Variants in COL6A3 observed in about 807,000 individuals in gnomAD.
COL6A3 encodes the protein collagen alpha-3(VI) chain.
Under a neutral mutation model 274.1 loss-of-function variants are expected in COL6A3, and 137 were observed. The ratio of observed to expected loss-of-function variants is 0.50; its 90% CI spans 0.44 to 0.58. The LOEUF is 0.58. Ranked by LOEUF, COL6A3 falls within the 20% of genes least tolerant of loss-of-function variation. COL6A3 has a pLI of 0.00. For missense variants in COL6A3, 3,950 were observed against 4,124.9 expected (o/e 0.96, Z 1.16); for synonymous variants, 1,650 against 1,650.6 (o/e 1.00, Z 0.01).
Position 237,376,783 on chromosome 2 carries a change from G to C in COL6A3, c.3059C>G (p.Ala1020Gly), listed in dbSNP as rs779382813. The change falls in exon 7 of 44, where the codon GCA (alanine) becomes GGA (glycine). Residue 1020 changes from alanine (A) to glycine (G), a missense_variant. Coordinates refer to ENST00000295550, the MANE Select transcript of COL6A3 (RefSeq NM_004369.4). ...TTTCTCTACCATACCTGGTGCTGGT[G>C]CTCCGTTGTGCACTGATTTTAAGAG... ...VNLLKSVHNG[A>G]PAPVSGEKDV... The C allele has an allele frequency of 6.2e-7, 1 of 1,614,168 alleles. No individual in the cohort carries two copies. Among genetic ancestry groups the C allele is most frequent in the Non-Finnish European group, 8.5e-7 (1 of 1,180,010 alleles).
At chr2:237,353,263 A>T in intron 25 of COL6A3, 78 bp downstream of exon 25, 2 of 1,408,290 alleles carry the variant, frequency 1.4e-6, no homozygotes, top group South Asian at 2.4e-5. Flanking sequence ...AACTTTCCGG[A>T]TATAAATGCC....
chr2:237,325,952 G>A, intron 42 of COL6A3: 1 of 455,886 alleles, frequency 2.2e-6, no homozygotes, highest in Middle Eastern at 5.9e-4. Context: ...ATCAATGAAA[G>A]GGCTTCATAA....
At chr2:237,380,258 G>A (rs2077968024) in intron 5 of COL6A3, among the ~76,000 whole-genome samples, 1 of 152,212 alleles carries the variant, frequency 6.6e-6, no homozygotes, top group Non-Finnish European at 1.5e-5. Context: ...ATCATTCTGT[G>A]ATGCTCATCT....
chr2:237,395,127 G>T lies in COL6A3; in HGVS notation c.169C>A (p.Leu57Ile), dbSNP rs765665120. ...ACATCATATAGAAACTCTCGAACAA[G>T]TTGGAAATGTTCCTCTCCAATGGTC... ...SWTIGEEHFQ[L>I]VREFLYDVVK... The change falls in exon 3 of 44, where the codon CTT becomes ATT. Residue 57 changes from leucine to isoleucine, a missense_variant. By Grantham distance (5) the Leu-to-Ile change is conservative. Coordinates refer to ENST00000295550, the MANE Select transcript of COL6A3 (RefSeq NM_004369.4). 1 of 1,613,930 alleles carries T rather than the reference G, an allele frequency of 6.2e-7. No individual in the cohort carries two copies. Among genetic ancestry groups the T allele is most frequent in the East Asian group, 2.2e-5 (1 of 44,890 alleles).
Position 237,366,672 on chromosome 2 carries a change from C to T in COL6A3, c.5500+15G>A, listed in dbSNP as rs372876170. ...AACAGGAAAGGATGGAAAATATGCA[C>T]ATAATGGGAGTTACCTTTGGCAGCA... On this transcript the variant is annotated intron_variant, in intron 11 of 43. Transcript: ENST00000295550. The T allele has an allele frequency of 2.1e-5, 34 of 1,614,076 alleles. No individual in the cohort carries two copies. Among genetic ancestry groups the T allele is most frequent in the African/African-American group, 5.3e-5 (4 of 74,922 alleles).
At chr2:237,375,105 C>A in intron 7 of COL6A3, 85 bp from the exon 8 acceptor site, 1 of 1,582,686 alleles carries the variant, frequency 6.3e-7, no homozygotes, top group Non-Finnish European at 8.6e-7. Context: ...AAGAGCATCA[C>A]AGGGATGTCC....
chr2:237,363,296 C>T lies in COL6A3; in HGVS notation c.6020G>A (p.Arg2007Lys). The T allele has an allele frequency of 6.2e-7, 1 of 1,614,130 alleles. No individual in the cohort carries two copies. The highest frequency in any genetic ancestry group is 8.5e-7 in the Non-Finnish European group (1 of 1,180,024). ...GRGFMYDRPL[R>K]LNLLDLDYEL... is the part of the protein sequence containing the mutation. Reference sequence around the variant, plus strand: ...ATAATCCAAGTCCAGCAAGTTAAGCCTCAGGGGCCTGTCATACATAAACCC... The same window carrying T: ...ATAATCCAAGTCCAGCAAGTTAAGCTTCAGGGGCCTGTCATACATAAACCC... Residue 2007 changes from arginine (R) to lysine (K), a missense_variant, in exon 14 of 44, where the codon AGG (arginine) becomes AAG (lysine). Arg to Lys is a conservative substitution (Grantham distance 26, BLOSUM62 2). This residue lies in a region of COL6A3 where 632 missense variants were observed against 623.4 expected (regional missense o/e 1.01). Transcript: ENST00000295550.
chr2:237,368,926 G>C lies in COL6A3; in HGVS notation c.4537C>G (p.Pro1513Ala). 6.2e-7 allele frequency: 1 copy of C among 1,614,202 alleles called. No homozygotes were observed. The highest frequency in any genetic ancestry group is 8.5e-7 in the Non-Finnish European group (1 of 1,180,032). Residue 1513 changes from proline (P) to alanine (A), a missense_variant, in exon 10 of 44, where the codon CCA becomes GCA. Pro to Ala is a conservative substitution (Grantham distance 27). Transcript: ENST00000295550. This position sits in a 1 kb window ranked among gnomAD's most constrained non-coding sequence, Gnocchi z 4.4. ...TCGAGAGCCTTGCCAGTGTTCAGTG[G>C]GGACCCCCCTCTGAGCCTCAGGCGC... is the stretch of plus-strand genomic sequence containing the variant. ...IRRLRLRGGS[P>A]LNTGKALEFV...
At position 237,353,356 on chromosome 2, in the gene COL6A3, C is replaced by G; in HGVS notation, c.6675G>C (p.Gly2225=). ...PGQPGFEGEQ[G]TRGAQGPAGP... is the part of the protein sequence containing the mutation. ...AAGCACTCACCTGTGCACCTCTGGTCCCCTGCTCTCCCTCAAAGCCCGGCT... is the reference window on the plus strand; with the variant it reads ...AAGCACTCACCTGTGCACCTCTGGTGCCCTGCTCTCCCTCAAAGCCCGGCT... Residue 2225 remains glycine, a synonymous_variant, in exon 25 of 44, where the codon GGG becomes GGC. Transcript: ENST00000295550. 6.2e-7 allele frequency: 1 copy of G among 1,614,184 alleles called. No individual in the cohort carries two copies. The highest frequency in any genetic ancestry group is 8.5e-7 in the Non-Finnish European group (1 of 1,180,020).
intron 9 of COL6A3, among the ~76,000 whole-genome samples, chr2:237,369,698 C>T (rs1215388436): frequency 3.3e-5 from 5 of 152,246 alleles, no homozygotes; most frequent in African/African-American, 7.2e-5. Context: ...GGGCAGGGTA[C>T]GTATAACACA....
chr2:237,376,674 A>T, intron 7 of COL6A3, 98 bp downstream of exon 7: 2 of 1,209,874 alleles, frequency 1.7e-6, no homozygotes, highest in Non-Finnish European at 2.5e-6. Context: ...TGTAAACTCA[A>T]GGAGGGCTTC....
intron 1 of COL6A3, among the ~76,000 whole-genome samples, chr2:237,399,360 A>G (rs1224093902): frequency 6.6e-6 from 1 of 152,218 alleles, no homozygotes; most frequent in Non-Finnish European, 1.5e-5. Context: ...GAACAATGAT[A>G]GCCATGCCTC....
intron 42 of COL6A3, chr2:237,328,747 C>T (rs1265821690): frequency 6.6e-6 from 1 of 152,186 alleles, no homozygotes; most frequent in Non-Finnish European, 1.5e-5. Context: ...AAGGCATCAG[C>T]TTTGACATTT....
Position 237,380,978 on chromosome 2 carries a change from G to C in COL6A3, c.1834C>G (p.Pro612Ala), listed in dbSNP as rs150162992. 16 of 1,614,072 alleles carry C rather than the reference G, an allele frequency of 9.9e-6. No individual in the cohort carries two copies. In the African/African-American group the frequency reaches 1.9e-4, roughly 19 times the overall value. ...AAGCCAGGCAGCATGCCTTGCAATG[G>C]GGCGGCTCGGAACTCAGCTGGGATG... Reference protein sequence around the residue: ...VFIPAEFRAAPLQGMLPGLLA... With the variant: ...VFIPAEFRAAALQGMLPGLLA... The change falls in exon 5 of 44, where the codon CCA (proline) becomes GCA (alanine). Residue 612 changes from proline to alanine, a missense_variant. Physicochemically the swap from Pro to Ala is conservative, Grantham distance 27. This residue lies in a region of COL6A3 where 1,934 missense variants were observed against 1,984.3 expected (regional missense o/e 0.97). Transcript: ENST00000295550.
chr2:237,359,005 A>G (rs760249080), intron 20 of COL6A3, 30 bp downstream of exon 20: 2 of 1,606,662 alleles, frequency 1.2e-6, no homozygotes, highest in Admixed American at 1.7e-5. Context: ...TATTCTTTCC[A>G]TAATAGCACC....
intron 1 of COL6A3, among the ~76,000 whole-genome samples, chr2:237,403,000 CG>C (rs1559289373): frequency 6.6e-6 from 1 of 152,100 alleles, no homozygotes; most frequent in Non-Finnish European, 1.5e-5. Context: ...AGAGTCTGTC[CG>C]GCTGATGAGT....
rs377474654 is a variant in COL6A3 at position 237,407,369 on chromosome 2, G to A, written c.-31+6584C>T. Among the ~76,000 whole-genome samples the A allele has an allele frequency of 5.9e-5, 9 of 152,272 alleles. No homozygotes were observed. Among genetic ancestry groups the A allele is most frequent in the African/African-American group, 1.9e-4 (8 of 41,536 alleles). On this transcript the variant is annotated intron_variant, in intron 1 of 43. Transcript: ENST00000295550. This position sits in a 1 kb window ranked among gnomAD's most constrained non-coding sequence, Gnocchi z 4.3. ...CTGGGGTCCTTTGTCACTTACGGGG[G>A]TCCTTGTTAGATATGGAGTAGCGGA...
Position 237,359,260 on chromosome 2 carries a change from A to G in COL6A3, c.6310-10T>C. On this transcript the variant is annotated splice_polypyrimidine_tract_variant and intron_variant, in intron 18 of 43. Coordinates refer to ENST00000295550, the MANE Select transcript of COL6A3 (RefSeq NM_004369.4). ...TTTCTCCTACTTCGCCCTAAGAGGG[A>G]ATAAGGCGGACAGGTAAGTATAGAA... 6.2e-7 allele frequency: 1 copy of G among 1,614,210 alleles called. No individual in the cohort carries two copies. The highest frequency in any genetic ancestry group is 8.5e-7 in the Non-Finnish European group (1 of 1,180,016).
Position 237,395,010 on chromosome 2 carries a change from A to G in COL6A3, c.286T>C (p.Tyr96His). The change falls in exon 3 of 44, where the codon TAT (tyrosine) becomes CAT (histidine). Residue 96 changes from tyrosine to histidine, a missense_variant. Tyr to His is a moderately conservative substitution (Grantham distance 83, BLOSUM62 2). Transcript: ENST00000295550. ...NPHTEFLLNTYRTKQEVLSHI... is the reference protein window; with the variant it reads ...NPHTEFLLNTHRTKQEVLSHI... Reference sequence around the variant, plus strand: ...GAAAGGACTTCTTGTTTAGTACGATACGTATTTAACAGGAACTCGGTATGT... The same window carrying G: ...GAAAGGACTTCTTGTTTAGTACGATGCGTATTTAACAGGAACTCGGTATGT... The G allele has an allele frequency of 6.2e-7, 1 of 1,614,136 alleles. No individual in the cohort carries two copies. Among genetic ancestry groups the G allele is most frequent in the South Asian group, 1.1e-5 (1 of 91,074 alleles).
Sources: allele counts gnomAD v4.1 joint callset (sites outside exome capture counted in the v4.1 genomes callset), GRCh38; gene constraint gnomAD v4.1.1; regional missense constraint gnomAD v4.1.1; non-coding constraint Gnocchi (gnomAD v3.1); transcripts MANE v1.5; gene names NCBI Gene and HGNC (gene_info 2026-07-23, HGNC 2026-07-21).